BRINP3: variants seen among roughly 807,000 people sequenced by gnomAD.
The protein encoded by BRINP3 is BMP/retinoic acid inducible neural specific 3.
BRINP3 carries 19 observed loss-of-function variants against 71.0 expected under a neutral mutation model. The observed-to-expected ratio is 0.27, with a 90% CI of 0.19 to 0.39. The LOEUF is 0.39. BRINP3 is among the 10% of genes least tolerant of loss of function. BRINP3 has a pLI of 1.00. For missense variants in BRINP3, 959 were observed against 940.8 expected (o/e 1.02, Z -0.25); for synonymous variants, 380 against 337.7 (o/e 1.13, Z -1.37).
chr1:190,407,241 C>T (rs1011002730), intron 2 of BRINP3, among the ~76,000 whole-genome samples: 2 of 152,056 alleles, frequency 1.3e-5, no homozygotes, highest in Admixed American at 6.6e-5. Flanking sequence ...TCTCTTTGAT[C>T]ATTATAGAAT....
chr1:190,175,685 C>T (rs1652439166), intron 6 of BRINP3, among the ~76,000 whole-genome samples: 1 of 152,114 alleles, frequency 6.6e-6, no homozygotes, highest in Admixed American at 6.6e-5. Context: ...AGGTTTTACT[C>T]CTTATAGGAC....
intron 2 of BRINP3, among the ~76,000 whole-genome samples, chr1:190,347,254 C>T (rs528569945): frequency 1.9e-3 from 287 of 152,226 alleles, no homozygotes; most frequent in Non-Finnish European, 3.1e-3. Flanking sequence ...GATTCCTCTG[C>T]CTCAGCCTCC....
chr1:190,256,641 G>A (rs777949598), intron 4 of BRINP3, among the ~76,000 whole-genome samples: 3 of 152,080 alleles, frequency 2.0e-5, no homozygotes, highest in Non-Finnish European at 2.9e-5. Context: ...TCCATTCCAT[G>A]TTTAGTGCTT....
intron 2 of BRINP3, among the ~76,000 whole-genome samples, chr1:190,388,486 G>A (rs747454673): frequency 2.0e-4 from 31 of 151,796 alleles, no homozygotes; most frequent in African/African-American, 6.5e-4. Flanking sequence ...GACACAGAGA[G>A]TGAATGCCAT....
At chr1:190,374,414 T>C (rs1670057704) in intron 2 of BRINP3, among the ~76,000 whole-genome samples, 1 of 152,194 alleles carries the variant, frequency 6.6e-6, no homozygotes, top group South Asian at 2.1e-4. Flanking sequence ...ATAATCACCA[T>C]TATTATCCAA....
At chr1:190,236,261 A>T (rs1658508875) in intron 4 of BRINP3, among the ~76,000 whole-genome samples, 1 of 152,018 alleles carries the variant, frequency 6.6e-6, no homozygotes, top group South Asian at 2.1e-4. Context: ...ATAACATTCA[A>T]AATATGAAGT....
intron 4 of BRINP3, among the ~76,000 whole-genome samples, chr1:190,257,906 G>T (rs537240318): frequency 6.6e-6 from 1 of 152,146 alleles, no homozygotes; most frequent in Non-Finnish European, 1.5e-5. Flanking sequence ...GCCTCTACTG[G>T]GAGGTGTCTC....
chr1:190,137,621 G>A (rs1017739440), intron 7 of BRINP3, among the ~76,000 whole-genome samples: 2 of 152,094 alleles, frequency 1.3e-5, no homozygotes, highest in African/African-American at 4.8e-5. Context: ...AACCCGTACA[G>A]TTTTTAAGTA....
intron 2 of BRINP3, among the ~76,000 whole-genome samples, chr1:190,441,370 C>G (rs1251940997): frequency 1.3e-5 from 2 of 152,036 alleles, no homozygotes; most frequent in African/African-American, 4.8e-5. Context: ...AAAATAAAAA[C>G]TATATCTCAC....
intron 6 of BRINP3, among the ~76,000 whole-genome samples, chr1:190,176,058 C>A (rs541824299): frequency 6.6e-6 from 1 of 152,080 alleles, no homozygotes; most frequent in African/African-American, 2.4e-5. Flanking sequence ...TTGTATTCAC[C>A]CTTTATTTTT....
chr1:190,143,309 AAAT>A (rs1305669355), intron 7 of BRINP3, among the ~76,000 whole-genome samples: 1 of 152,180 alleles, frequency 6.6e-6, no homozygotes, highest in African/African-American at 2.4e-5. Flanking sequence ...AGGCCAAGAC[AAAT>A]AATAAAATCA....
intron 2 of BRINP3, among the ~76,000 whole-genome samples, chr1:190,428,428 C>T (rs74838155): frequency 6.6e-6 from 1 of 151,228 alleles, no homozygotes; most frequent in South Asian, 2.1e-4. Flanking sequence ...CCTCATAATC[C>T]CCCCCCAAAA....
intron 2 of BRINP3, among the ~76,000 whole-genome samples, chr1:190,402,884 G>A (rs540621341): frequency 5.1e-4 from 78 of 152,130 alleles, no homozygotes; most frequent in Middle Eastern, 6.8e-3. Context: ...AAGCCAGCAT[G>A]CCCAGGTAAT....
rs547387376 is a variant in BRINP3, at chr1:190,374,471, T to C, written c.236+80184A>G. On this transcript the variant is annotated intron_variant, in intron 2 of 7. Transcript: ENST00000367462. ...CAATTTAATTCGTCAAAAGAGAAAT[T>C]AGAAGTGTAAACACTAAAAAGGAGG... is the stretch of plus-strand genomic sequence containing the variant. Among the ~76,000 whole-genome samples the C allele has an allele frequency of 1.6e-4, 24 of 152,252 alleles. No individual in the cohort carries two copies. The South Asian group carries it at 5.0e-3, about 32-fold the overall frequency.
chr1:190,468,643 TAC>T (rs1224920747), intron 1 of BRINP3, among the ~76,000 whole-genome samples: 1 of 151,188 alleles, frequency 6.6e-6, no homozygotes, highest in Non-Finnish European at 1.5e-5. Context: ...TAAAGATAGC[TAC>T]ACACTTAATA....
intron 2 of BRINP3, among the ~76,000 whole-genome samples, chr1:190,436,345 G>T (rs1674453056): frequency 6.6e-6 from 1 of 151,826 alleles, no homozygotes; most frequent in Non-Finnish European, 1.5e-5. Flanking sequence ...AGCAATTAGT[G>T]TAATGAACCA....
At chr1:190,291,307 A>G (rs532962670) in intron 2 of BRINP3, among the ~76,000 whole-genome samples, 1 of 152,216 alleles carries the variant, frequency 6.6e-6, no homozygotes, top group Admixed American at 6.6e-5. Context: ...GAACACAAGC[A>G]CAGACAACAA....
At chr1:190,198,418 A>G (rs10920659) in intron 6 of BRINP3, among the ~76,000 whole-genome samples, 18,703 of 152,174 alleles carry the variant, frequency 0.12, 1,699 homozygotes, top group South Asian at 0.26. Flanking sequence ...AAATTTTCTG[A>G]ACTTTTATGC....
At chr1:190,373,345 G>A (rs550125333) in intron 2 of BRINP3, among the ~76,000 whole-genome samples, 2 of 151,916 alleles carry the variant, frequency 1.3e-5, no homozygotes, top group East Asian at 3.9e-4. Flanking sequence ...AGCCGAGATA[G>A]CGCCATTTCA....
Sources: allele counts gnomAD v4.1 joint callset (sites outside exome capture counted in the v4.1 genomes callset), GRCh38; gene constraint gnomAD v4.1.1; transcripts MANE v1.5; gene names NCBI Gene and HGNC (gene_info 2026-07-23, HGNC 2026-07-21).